The following TMEM132C variants were observed in gnomAD, a reference collection of about 807,000 sequenced individuals.
The protein encoded by TMEM132C is transmembrane protein 132C, also known as protein phosphatase 1, regulatory subunit 152.
In TMEM132C, 29 loss-of-function variants were observed where a neutral mutation model predicts 61.4. That is an observed-to-expected ratio of 0.47 (90% CI 0.35 to 0.64). The LOEUF (loss-of-function observed/expected upper bound fraction) is 0.64. Among genes scored for constraint, TMEM132C ranks in the 30% least tolerant of loss-of-function variants. The pLI, the probability that TMEM132C is intolerant of heterozygous loss-of-function variation, is 0.00. For synonymous variants in TMEM132C, 656 were observed against 633.1 expected (o/e 1.04, Z -0.54); for missense variants, 1,408 against 1,476.9 (o/e 0.95, Z 0.76).
intron 1 of TMEM132C, among the ~76,000 whole-genome samples, chr12:128,318,938 G>T (rs531614191): frequency 4.6e-5 from 7 of 152,278 alleles, no homozygotes; most frequent in African/African-American, 1.4e-4. Flanking sequence ...TCTTATCATG[G>T]CAAAAACACT....
intron 4 of TMEM132C, among the ~76,000 whole-genome samples, chr12:128,662,960 G>C (rs1954407611): frequency 6.6e-6 from 1 of 152,176 alleles, no homozygotes; most frequent in South Asian, 2.1e-4. Context: ...GGGTCAGTCA[G>C]CTGTGGGTAG....
intron 4 of TMEM132C, among the ~76,000 whole-genome samples, chr12:128,632,009 G>A (rs1954068624): frequency 6.6e-6 from 1 of 152,054 alleles, no homozygotes; most frequent in South Asian, 2.1e-4. Flanking sequence ...GGGGAAGGGG[G>A]GCTGACAAAC....
chr12:128,657,734 C>T (rs1954340894), intron 4 of TMEM132C, among the ~76,000 whole-genome samples: 1 of 152,218 alleles, frequency 6.6e-6, no homozygotes, highest in South Asian at 2.1e-4. Flanking sequence ...CAACTCACAA[C>T]TCTGTTACAG....
intron 2 of TMEM132C, among the ~76,000 whole-genome samples, chr12:128,506,514 G>T (rs1356370123): frequency 3.3e-5 from 5 of 152,170 alleles, no homozygotes; most frequent in Non-Finnish European, 5.9e-5. Flanking sequence ...GGCTCTGGTG[G>T]GAGCTATTTG....
intron 2 of TMEM132C, among the ~76,000 whole-genome samples, chr12:128,425,461 C>G (rs1014998956): frequency 6.6e-6 from 1 of 152,242 alleles, no homozygotes; most frequent in Non-Finnish European, 1.5e-5. Flanking sequence ...AGCAGAATCG[C>G]TTCTCGACCA....
chr12:128,699,738 C>T (rs1022790919), intron 8 of TMEM132C, among the ~76,000 whole-genome samples: 4 of 152,228 alleles, frequency 2.6e-5, no homozygotes, highest in African/African-American at 4.8e-5. Context: ...ACAGCAGTCA[C>T]TCATCCCATG....
chr12:128,666,974 G>T (rs1416879291), intron 4 of TMEM132C, among the ~76,000 whole-genome samples: 1 of 152,232 alleles, frequency 6.6e-6, no homozygotes, highest in Non-Finnish European at 1.5e-5. Flanking sequence ...GGAGGCTGAG[G>T]CAGGAGAATG....
At chr12:128,547,876 C>T (rs927174322) in intron 3 of TMEM132C, among the ~76,000 whole-genome samples, 1 of 152,156 alleles carries the variant, frequency 6.6e-6, no homozygotes, top group Non-Finnish European at 1.5e-5. Flanking sequence ...AAGGCACAAA[C>T]ACCAAACACA....
chr12:128,655,686 C>A (rs1268408100), intron 4 of TMEM132C, among the ~76,000 whole-genome samples: 4 of 152,068 alleles, frequency 2.6e-5, no homozygotes, highest in African/African-American at 9.7e-5. Context: ...CACAGGGGCA[C>A]CCACCACCAG....
At chr12:128,273,360 C>T (rs1200616837) in intron 1 of TMEM132C, among the ~76,000 whole-genome samples, 1 of 151,984 alleles carries the variant, frequency 6.6e-6, no homozygotes. Flanking sequence ...AATATAGCCA[C>T]CTCAGCTTTC....
intron 5 of TMEM132C, among the ~76,000 whole-genome samples, chr12:128,690,201 A>C (rs955161530): frequency 6.6e-6 from 1 of 152,170 alleles, no homozygotes; most frequent in Admixed American, 6.5e-5. Context: ...CATAGTTTAG[A>C]TATCAGAGTG....
chr12:128,397,044 T>A (rs980128991), intron 1 of TMEM132C, among the ~76,000 whole-genome samples: 1 of 152,130 alleles, frequency 6.6e-6, no homozygotes, highest in African/African-American at 2.4e-5. Flanking sequence ...CTCAGAGGCT[T>A]CAGTGCCTTC....
At chr12:128,351,620 G>A (rs751648919) in intron 1 of TMEM132C, among the ~76,000 whole-genome samples, 1 of 152,076 alleles carries the variant, frequency 6.6e-6, no homozygotes, top group Non-Finnish European at 1.5e-5. Context: ...TCCACTCATG[G>A]TGGAAAGTGA....
intron 3 of TMEM132C, among the ~76,000 whole-genome samples, chr12:128,546,154 C>T (rs1873943116): frequency 6.6e-6 from 1 of 152,170 alleles, no homozygotes; most frequent in African/African-American, 2.4e-5. Context: ...TTTAGTGCAT[C>T]TGGCGGAGGT....
At chr12:128,610,120 A>G (rs1876581607) in intron 3 of TMEM132C, among the ~76,000 whole-genome samples, 2 of 152,260 alleles carry the variant, frequency 1.3e-5, no homozygotes, top group African/African-American at 4.8e-5. Context: ...TTTCTAAGAA[A>G]GCCCTTTCCA....
intron 4 of TMEM132C, among the ~76,000 whole-genome samples, chr12:128,618,893 AC>A (rs1168591622): frequency 1.3e-5 from 2 of 152,216 alleles, no homozygotes; most frequent in African/African-American, 4.8e-5. Context: ...CCTGGGATGT[AC>A]AACTTGACCT....
intron 3 of TMEM132C, among the ~76,000 whole-genome samples, chr12:128,547,901 C>G (rs1010712750): frequency 6.6e-6 from 1 of 152,196 alleles, no homozygotes; most frequent in South Asian, 2.1e-4. Context: ...CCAAGTCTAA[C>G]TAAAAGTGGT....
chr12:128,291,329 C>T (rs1871240655), intron 1 of TMEM132C, among the ~76,000 whole-genome samples: 2 of 152,304 alleles, frequency 1.3e-5, no homozygotes, highest in African/African-American at 4.8e-5. Flanking sequence ...AGTTTCTGTC[C>T]CCACACGCTA....
intron 1 of TMEM132C, among the ~76,000 whole-genome samples, chr12:128,397,904 C>G (rs916519951): frequency 1.3e-5 from 2 of 152,146 alleles, no homozygotes; most frequent in African/African-American, 4.8e-5. Context: ...GTTTAATTGT[C>G]TGTGTGCTCC....
Sources: allele counts gnomAD v4.1 joint callset (sites outside exome capture counted in the v4.1 genomes callset), GRCh38; gene constraint gnomAD v4.1.1; transcripts MANE v1.5; gene names NCBI Gene and HGNC (gene_info 2026-07-23, HGNC 2026-07-21).